Variants in RIMS3 observed in about 807,000 individuals in gnomAD.
RIMS3 encodes regulating synaptic membrane exocytosis 3.
Under a neutral mutation model 29.2 loss-of-function variants are expected in RIMS3, and 15 were observed. The observed-to-expected ratio is 0.51, with a 90% CI of 0.34 to 0.79. The LOEUF (loss-of-function observed/expected upper bound fraction) is 0.79. Ranked by LOEUF, RIMS3 falls within the 30% of genes least tolerant of loss-of-function variation. The probability of loss-of-function intolerance (pLI) is 0.01; values close to 1 mark genes in which losing one functional copy is unlikely to be tolerated. For missense variants in RIMS3, 342 were observed against 421.4 expected (o/e 0.81, Z 1.65); for synonymous variants, 161 against 170.1 (o/e 0.95, Z 0.41).
the RIMS3 span, among the ~76,000 whole-genome samples, chr1:40,688,329 G>A: frequency 6.6e-6 from 1 of 152,166 alleles, no homozygotes; most frequent in Non-Finnish European, 1.5e-5. Context: ...AGGAAGTCCA[G>A]CTGGCTGTCT....
At position 40,646,514 on chromosome 1, in the gene RIMS3, C is replaced by A. The variant is rs114317709; in HGVS notation, c.-32+1154G>T. Among the ~76,000 whole-genome samples the A allele has an allele frequency of 6.6e-3, 998 of 152,290 alleles. 12 individuals are homozygous for A. The highest frequency in any genetic ancestry group is 0.023 in the African/African-American group (958 of 41,528). On this transcript the variant is annotated intron_variant, in intron 2 of 7. Transcript: ENST00000372684. The stretch of plus-strand genomic sequence containing the variant: ...AGACTGTCCCTTTCTCAGCCCAGGT[C>A]ATGGCACCGCAGGGAAGGAAACCGT...
At chr1:40,630,713 C>A (rs1032792413) in intron 5 of RIMS3, among the ~76,000 whole-genome samples, 1 of 152,180 alleles carries the variant, frequency 6.6e-6, no homozygotes, top group Non-Finnish European at 1.5e-5. Flanking sequence ...GGGGGTACCA[C>A]ACACGAATGG....
At chr1:40,628,533 T>C (rs1164562893) in intron 7 of RIMS3, among the ~76,000 whole-genome samples, 1 of 152,172 alleles carries the variant, frequency 6.6e-6, no homozygotes, top group Non-Finnish European at 1.5e-5. Context: ...CAATGAACAT[T>C]AGCACTAGGG....
chr1:40,690,088 G>C, the RIMS3 span, among the ~76,000 whole-genome samples: 1 of 152,242 alleles, frequency 6.6e-6, no homozygotes, highest in African/African-American at 2.4e-5. Context: ...CAGGCTCTTG[G>C]AAGGAAATAG....
chr1:40,682,002 T>G, the RIMS3 span, among the ~76,000 whole-genome samples: 1 of 152,088 alleles, frequency 6.6e-6, no homozygotes, highest in African/African-American at 2.4e-5. Context: ...CCCAGCTAAT[T>G]TTTGTATTTT....
intron 2 of RIMS3, among the ~76,000 whole-genome samples, chr1:40,642,217 C>T (rs185322157): frequency 1.9e-4 from 29 of 152,296 alleles, no homozygotes; most frequent in South Asian, 1.7e-3. Context: ...TCACATGGCC[C>T]GGGCTTGAAT....
At chr1:40,684,569 G>A in the RIMS3 span, among the ~76,000 whole-genome samples, 1 of 152,112 alleles carries the variant, frequency 6.6e-6, no homozygotes, top group South Asian at 2.1e-4. Context: ...GCACAGCCAT[G>A]GAGTAGTGAG....
chr1:40,663,533 C>T (rs544403454), intron 1 of RIMS3, among the ~76,000 whole-genome samples: 4 of 152,284 alleles, frequency 2.6e-5, no homozygotes, highest in African/African-American at 4.8e-5. Flanking sequence ...TTGTTTTCTT[C>T]CCTCCTTAAA....
intron 1 of RIMS3, 109 bp downstream of exon 1, chr1:40,665,285 T>C (rs1301090428): frequency 9.2e-6 from 1 of 108,444 alleles, no homozygotes; most frequent in East Asian, 3.0e-4. Context: ...CACACTCACA[T>C]ACCTACGTTG....
Position 40,635,543 on chromosome 1 carries a change from C to T in RIMS3, c.359+373G>A, listed in dbSNP as rs1646513911. Among the ~76,000 whole-genome samples, 1 of 152,202 alleles carries T rather than the reference C, an allele frequency of 6.6e-6. No homozygotes were observed. ...AGCAAGCCTCCTTGAGAAAATTCCA[C>T]TCATCTGGGCCACAACAATGGTTTT... On this transcript the variant is annotated intron_variant, in intron 4 of 7. Transcript: ENST00000372684. This position sits in a 1 kb window ranked among gnomAD's most constrained non-coding sequence, Gnocchi z 4.1.
intron 1 of RIMS3, among the ~76,000 whole-genome samples, chr1:40,650,975 C>G (rs1646628697): frequency 1.3e-5 from 2 of 150,962 alleles, no homozygotes. Flanking sequence ...CCAAACTTGT[C>G]TGTCCTGCCA....
chr1:40,669,365 C>T (rs749883221), upstream of RIMS3: 2 of 152,172 alleles, frequency 1.3e-5, no homozygotes, highest in Admixed American at 1.3e-4. Flanking sequence ...GGCCTCAGCT[C>T]TTAATGTAAT....
chr1:40,675,258 A>C, the RIMS3 span, among the ~76,000 whole-genome samples: 30 of 151,198 alleles, frequency 2.0e-4, no homozygotes, highest in Non-Finnish European at 3.7e-4. Context: ...TGGGTGATAG[A>C]GTGAGACCCT....
At chr1:40,684,259 A>T in the RIMS3 span, among the ~76,000 whole-genome samples, 1 of 152,238 alleles carries the variant, frequency 6.6e-6, no homozygotes, top group Non-Finnish European at 1.5e-5. Flanking sequence ...TAGGTGTTCA[A>T]AGGATGTCAG....
chr1:40,624,256 T>C lies in RIMS3; in HGVS notation c.*2261A>G, dbSNP rs992649311. The C allele has an allele frequency of 6.6e-6, 1 of 152,230 alleles. No homozygotes were observed. The highest frequency in any genetic ancestry group is 2.4e-5 in the African/African-American group (1 of 41,440). 9.4% of individuals were successfully genotyped at this position (152,230 alleles called of 1,614,324 possible). ...GTGCTACATCCACAAACATCTATAC[T>C]GTCCTGTGGGTCACTAACAACCCTA... On this transcript the variant is annotated 3_prime_UTR_variant, in exon 8 of 8. Coordinates refer to ENST00000372684, the MANE Select transcript of RIMS3 (RefSeq NM_014747.3).
intron 2 of RIMS3, among the ~76,000 whole-genome samples, chr1:40,642,730 C>T (rs145972583): frequency 9.0e-4 from 136 of 151,672 alleles, no homozygotes; most frequent in Middle Eastern, 3.4e-3. Context: ...CCGAGGCGGG[C>T]GGATCACCTG....
rs1646624306 is a variant in RIMS3 at position 40,650,481 on chromosome 1, TG to T, written c.-206-2640del. ...CCACAAGCCCATGTGAACTGGGGAC[TG>T]TCTTCCTCTCCTATCTCCCAGCCCG... On this transcript the variant is annotated intron_variant, in intron 1 of 7. Transcript: ENST00000372684. Among the ~76,000 whole-genome samples, 5 of 152,204 alleles carry T rather than the reference TG, an allele frequency of 3.3e-5. No homozygotes were observed. In the South Asian group the frequency reaches 1.0e-3, roughly 31 times the overall value.
upstream of RIMS3, among the ~76,000 whole-genome samples, chr1:40,666,049 C>T (rs1036874915): frequency 2.6e-5 from 4 of 152,210 alleles, no homozygotes; most frequent in Non-Finnish European, 4.4e-5. Context: ...CCAGGAACGT[C>T]AGATGGTAAG....
the RIMS3 span, among the ~76,000 whole-genome samples, chr1:40,674,989 G>A: frequency 6.6e-6 from 1 of 152,202 alleles, no homozygotes; most frequent in African/African-American, 2.4e-5. Context: ...TCCCAGGCAT[G>A]GCGCCTCACA....
Sources: allele counts gnomAD v4.1 joint callset (sites outside exome capture counted in the v4.1 genomes callset), GRCh38; gene constraint gnomAD v4.1.1; non-coding constraint Gnocchi (gnomAD v3.1); transcripts MANE v1.5; gene names NCBI Gene and HGNC (gene_info 2026-07-23, HGNC 2026-07-21).